Variants in SEMA3E observed in about 807,000 individuals in gnomAD.
SEMA3E encodes the protein semaphorin-3E.
SEMA3E carries 49 observed loss-of-function variants against 93.6 expected under a neutral mutation model. That is an observed-to-expected ratio of 0.52 (90% CI 0.42 to 0.66). The LOEUF (loss-of-function observed/expected upper bound fraction) is 0.66, where lower values mean the gene tolerates loss of function less well. Among genes scored for constraint, SEMA3E ranks in the 30% least tolerant of loss-of-function variants. The pLI, the probability that SEMA3E is intolerant of heterozygous loss-of-function variation, is 0.00. For synonymous variants in SEMA3E, 363 were observed against 330.7 expected (o/e 1.10, Z -1.06); for missense variants, 906 against 964.8 (o/e 0.94, Z 0.81).
intron 1 of SEMA3E, among the ~76,000 whole-genome samples, chr7:83,497,892 C>T (rs1401671329): frequency 1.3e-5 from 2 of 152,152 alleles, no homozygotes; most frequent in African/African-American, 2.4e-5. Flanking sequence ...ATAGCCTAGA[C>T]ATTAATTCTC....
intron 11 of SEMA3E, among the ~76,000 whole-genome samples, chr7:83,398,902 C>T (rs2465071): frequency 0.57 from 86,200 of 151,730 alleles, 28,276 homozygotes; most frequent in East Asian, 0.85. Flanking sequence ...CAAGATCGTG[C>T]CATTGCACTC....
chr7:83,533,060 TC>T (rs1791336184), intron 1 of SEMA3E, among the ~76,000 whole-genome samples: 1 of 134,936 alleles, frequency 7.4e-6, no homozygotes, highest in African/African-American at 2.5e-5. Flanking sequence ...AAACACTGTG[TC>T]ATCACAAGTC....
intron 1 of SEMA3E, among the ~76,000 whole-genome samples, chr7:83,509,957 C>T (rs529985996): frequency 6.6e-6 from 1 of 152,218 alleles, no homozygotes; most frequent in Non-Finnish European, 1.5e-5. Flanking sequence ...ATTACTTAAT[C>T]CCAAGTCAAT....
At chr7:83,403,753 A>G (rs1788275561) in intron 9 of SEMA3E, among the ~76,000 whole-genome samples, 1 of 151,904 alleles carries the variant, frequency 6.6e-6, no homozygotes, top group Non-Finnish European at 1.5e-5. Context: ...CAATTTACAC[A>G]TTTTATAACA....
chr7:83,639,605 A>G (rs1793957986), intron 1 of SEMA3E, among the ~76,000 whole-genome samples: 1 of 151,226 alleles, frequency 6.6e-6, no homozygotes, highest in Non-Finnish European at 1.5e-5. Context: ...AATTACATAA[A>G]TTAGAAAGTA....
At chr7:83,600,663 T>C (rs1032684909) in intron 1 of SEMA3E, among the ~76,000 whole-genome samples, 1 of 152,030 alleles carries the variant, frequency 6.6e-6, no homozygotes, top group Non-Finnish European at 1.5e-5. Flanking sequence ...TTAATTCTTA[T>C]AAGCACGGCA....
intron 1 of SEMA3E, chr7:83,616,642 C>A: frequency 2.3e-6 from 1 of 431,354 alleles, no homozygotes; most frequent in South Asian, 1.7e-5. Flanking sequence ...TTTCCTCCTC[C>A]ATGTCTTTTC....
At chr7:83,560,051 G>A (rs1791994971) in intron 1 of SEMA3E, among the ~76,000 whole-genome samples, 1 of 152,014 alleles carries the variant, frequency 6.6e-6, no homozygotes, top group Non-Finnish European at 1.5e-5. Flanking sequence ...TAGTTGCCAG[G>A]GACTAGTGGT....
intron 4 of SEMA3E, among the ~76,000 whole-genome samples, chr7:83,424,729 C>T (rs1788735932): frequency 6.6e-6 from 1 of 152,170 alleles, no homozygotes; most frequent in Admixed American, 6.5e-5. Flanking sequence ...GGGGAAACTA[C>T]CCTGACTTAT....
rs188060524 is a variant in SEMA3E, at chr7:83,363,642, A to G, written c.*3944T>C. ...GCTACAATCAGCTGAGTGTTTGTGG[A>G]AAATCTATTATTTATATCTGATTCA... On this transcript the variant is annotated 3_prime_UTR_variant, in exon 17 of 17. Transcript: ENST00000643230. The G allele has an allele frequency of 3.2e-3, 482 of 152,244 alleles. 1 individual carries two copies. The highest frequency in any genetic ancestry group is 0.01 in the African/African-American group (432 of 41,564). 9.4% of individuals were successfully genotyped at this position (152,244 alleles called of 1,614,324 possible). A position where few individuals can be genotyped will look rare whatever the true frequency, so the allele number is the denominator to read the frequency against.
chr7:83,435,004 C>T (rs530998632), intron 4 of SEMA3E, among the ~76,000 whole-genome samples: 4 of 152,016 alleles, frequency 2.6e-5, no homozygotes, highest in Admixed American at 2.0e-4. Context: ...TGAGCCACCG[C>T]GCCCGGCCAA....
At chr7:83,411,726 A>G (rs1413974144) in intron 5 of SEMA3E, among the ~76,000 whole-genome samples, 1 of 152,134 alleles carries the variant, frequency 6.6e-6, no homozygotes, top group Non-Finnish European at 1.5e-5. Context: ...AAAGTTGTGA[A>G]TCAATACATT....
At chr7:83,567,429 T>C (rs974828936) in intron 1 of SEMA3E, among the ~76,000 whole-genome samples, 1 of 152,164 alleles carries the variant, frequency 6.6e-6, no homozygotes, top group Non-Finnish European at 1.5e-5. Context: ...TCACAGATAT[T>C]TCATCCAACA....
chr7:83,613,123 T>C (rs1793299299), intron 1 of SEMA3E, among the ~76,000 whole-genome samples: 1 of 152,096 alleles, frequency 6.6e-6, no homozygotes, highest in African/African-American at 2.4e-5. Context: ...ATATAGTAGA[T>C]ATTTTATGAA....
chr7:83,470,333 A>C (rs755681570), intron 2 of SEMA3E, among the ~76,000 whole-genome samples: 1 of 120,350 alleles, frequency 8.3e-6, no homozygotes, highest in Non-Finnish European at 1.9e-5. Context: ...TTTTGGAAGA[A>C]ATTTTTTACT....
intron 1 of SEMA3E, among the ~76,000 whole-genome samples, chr7:83,520,700 G>A (rs867798263): frequency 3.3e-5 from 5 of 152,112 alleles, no homozygotes; most frequent in Admixed American, 1.3e-4. Flanking sequence ...TTTCCAATAT[G>A]GAAACTATTC....
At chr7:83,423,680 T>C (rs1209724543) in intron 4 of SEMA3E, among the ~76,000 whole-genome samples, 1 of 151,068 alleles carries the variant, frequency 6.6e-6, no homozygotes, top group African/African-American at 2.4e-5. Context: ...ATTTTTTTTT[T>C]TTTTGTACTT....
At chr7:83,629,041 C>T (rs1584374910) in intron 1 of SEMA3E, among the ~76,000 whole-genome samples, 1 of 152,118 alleles carries the variant, frequency 6.6e-6, no homozygotes, top group African/African-American at 2.4e-5. Context: ...AACAGTCAGG[C>T]TCCTCTTCTC....
intron 4 of SEMA3E, among the ~76,000 whole-genome samples, chr7:83,431,773 T>C (rs1788888594): frequency 6.6e-6 from 1 of 152,166 alleles, no homozygotes; most frequent in African/African-American, 2.4e-5. Flanking sequence ...TTAATAACTA[T>C]CTATAATAAA....
Sources: allele counts gnomAD v4.1 joint callset (sites outside exome capture counted in the v4.1 genomes callset), GRCh38; gene constraint gnomAD v4.1.1; transcripts MANE v1.5; gene names NCBI Gene and HGNC (gene_info 2026-07-23, HGNC 2026-07-21).